CHPT1: variants seen among roughly 807,000 people sequenced by gnomAD.
CHPT1 encodes cholinephosphotransferase 1.
CHPT1 carries 36 observed loss-of-function variants against 47.6 expected under a neutral mutation model. The observed-to-expected ratio is 0.76, with a 90% CI of 0.58 to 1.00. CHPT1 has a LOEUF of 1.00. Among genes scored for constraint, CHPT1 ranks in the 50% least tolerant of loss-of-function variants. The probability of loss-of-function intolerance (pLI) is 0.00; values close to 1 mark genes in which losing one functional copy is unlikely to be tolerated. For missense variants in CHPT1, 458 were observed against 498.1 expected (o/e 0.92, Z 0.77); for synonymous variants, 194 against 186.3 (o/e 1.04, Z -0.33).
chr12:101,723,848 GTA>G lies in CHPT1; in HGVS notation c.1065+2_1065+3del, dbSNP rs1241414576. On this transcript the variant is annotated splice_donor_variant and splice_donor_region_variant and intron_variant, in intron 7 of 8. Transcript: ENST00000229266. LOFTEE classifies it high-confidence loss of function. ...ATATGTTGTTCTATGGATGGCAATG[GTA>G]AGTATTTTTCTCCATTTTATTTATT... is the stretch of plus-strand genomic sequence containing the variant. 10 of 1,502,648 alleles carry G rather than the reference GTA, an allele frequency of 6.7e-6. No individual in the cohort carries two copies. Among genetic ancestry groups the G allele is most frequent in the Non-Finnish European group, 9.1e-6 (10 of 1,093,032 alleles). 93.1% of individuals were successfully genotyped at this position (1,502,648 alleles called of 1,614,324 possible). A position where few individuals can be genotyped will look rare whatever the true frequency, so the allele number is the denominator to read the frequency against.
At chr12:101,712,789 T>A (rs1951714600) in intron 1 of CHPT1, among the ~76,000 whole-genome samples, 1 of 148,958 alleles carries the variant, frequency 6.7e-6, no homozygotes, top group African/African-American at 2.4e-5. Flanking sequence ...TCCTCTACTT[T>A]CTTGAACATG....
intron 3 of CHPT1, chr12:101,715,149 T>C (rs1951746727): frequency 6.6e-6 from 1 of 152,470 alleles, no homozygotes; most frequent in African/African-American, 2.4e-5. Context: ...ATGCTAGTGC[T>C]AAACATTAGA....
intron 8 of CHPT1, chr12:101,727,907 A>T (rs1952002596): frequency 6.6e-6 from 1 of 152,132 alleles, no homozygotes; most frequent in Admixed American, 6.5e-5. Context: ...ACCTTATTAT[A>T]ACTAAGATAA....
At chr12:101,723,021 C>G in intron 5 of CHPT1, 147 bp from the exon 6 acceptor site, 1 of 638,234 alleles carries the variant, frequency 1.6e-6, no homozygotes, top group South Asian at 2.1e-5. Context: ...TTGGAAAGCA[C>G]AACTCAGGTT....
intron 1 of CHPT1, 57 bp from the exon 2 acceptor site, chr12:101,714,033 A>G: frequency 3.3e-6 from 4 of 1,229,064 alleles, no homozygotes; most frequent in African/African-American, 1.5e-5. Context: ...AGGTTGAGCT[A>G]TTTTCAGAAA....
chr12:101,716,572 G>A (rs1398328056), intron 3 of CHPT1, among the ~76,000 whole-genome samples, 156 bp from the exon 4 acceptor site: 1 of 152,130 alleles, frequency 6.6e-6, no homozygotes. Context: ...TAACTTAACA[G>A]TGTAGTCAAC....
intron 1 of CHPT1, 72 bp downstream of exon 1, chr12:101,698,206 G>T: frequency 7.3e-7 from 1 of 1,361,554 alleles, no homozygotes; most frequent in Non-Finnish European, 9.4e-7. Context: ...GCCGGGGGAA[G>T]GGCGGACCCA....
At chr12:101,707,504 C>A (rs1321959972) in intron 1 of CHPT1, among the ~76,000 whole-genome samples, 1 of 152,140 alleles carries the variant, frequency 6.6e-6, no homozygotes, top group Non-Finnish European at 1.5e-5. Context: ...TATTTTTGCA[C>A]AAACACCTTT....
chr12:101,724,946 A>G (rs1951917253), intron 7 of CHPT1, among the ~76,000 whole-genome samples: 3 of 152,150 alleles, frequency 2.0e-5, no homozygotes. Flanking sequence ...GGCTTTGAAT[A>G]GTTTTCTTGT....
intron 7 of CHPT1, among the ~76,000 whole-genome samples, chr12:101,725,148 A>T (rs867789734): frequency 6.6e-6 from 1 of 152,180 alleles, no homozygotes; most frequent in Non-Finnish European, 1.5e-5. Flanking sequence ...ACAGGAGTAC[A>T]TCTAATGGTC....
chr12:101,707,334 T>A (rs1401957916), intron 1 of CHPT1, among the ~76,000 whole-genome samples: 1 of 152,202 alleles, frequency 6.6e-6, no homozygotes, highest in Non-Finnish European at 1.5e-5. Context: ...TTGAGAGTTA[T>A]GCTGCAAAGA....
rs1446422588 is a variant in CHPT1 at position 101,705,282 on chromosome 12, C to T, written c.273+7148C>T. On this transcript the variant is annotated intron_variant, in intron 1 of 8. Coordinates refer to ENST00000229266, the MANE Select transcript of CHPT1 (RefSeq NM_020244.3). ...TTCACTATGTTGGTCAGGCTGGGCT[C>T]GAACTCCTGACCTCGGGTGATCCAC... 3.4e-4 allele frequency among the ~76,000 whole-genome samples: 34 copies of T among 98,992 alleles called. 1 individual carries two copies. The highest frequency in any genetic ancestry group is 5.6e-4 in the Non-Finnish European group (29 of 52,180). The allele number at this position is 98,992 out of a possible 152,430, so 64.9% of individuals were successfully genotyped here.
chr12:101,709,893 G>A (rs1385640960), intron 1 of CHPT1, among the ~76,000 whole-genome samples: 1 of 148,732 alleles, frequency 6.7e-6, no homozygotes, highest in African/African-American at 2.4e-5. Context: ...AGGGCAAGTC[G>A]GAAGACCCGA....
chr12:101,726,242 TGAGAA>T (rs1465656091), intron 7 of CHPT1, 47 bp from the exon 8 acceptor site: 1 of 1,241,590 alleles, frequency 8.1e-7, no homozygotes, highest in South Asian at 1.3e-5. Flanking sequence ...TAGTGCTACT[TGAGAA>T]AAGATAGATC....
In CHPT1 at chr12:101,703,504, A is replaced by G. The variant is rs371774622; in HGVS notation, c.273+5370A>G. Among the ~76,000 whole-genome samples, 230 of 152,318 alleles carry G rather than the reference A, an allele frequency of 1.5e-3. 3 individuals are homozygous for G. Among genetic ancestry groups the G allele is most frequent in the African/African-American group, 5.2e-3 (218 of 41,552 alleles). Reference sequence around the variant, plus strand: ...TTTGCCGCAGCTTATAACCTGCCTAATTTCCTAAAAATGGATGTGCTCTTC... The same window carrying G: ...TTTGCCGCAGCTTATAACCTGCCTAGTTTCCTAAAAATGGATGTGCTCTTC... On this transcript the variant is annotated intron_variant, in intron 1 of 8. Transcript: ENST00000229266.
chr12:101,715,456 T>A (rs113842509), intron 3 of CHPT1, among the ~76,000 whole-genome samples: 272 of 152,336 alleles, frequency 1.8e-3, no homozygotes, highest in African/African-American at 6.4e-3. Flanking sequence ...CAGTTGATTC[T>A]CAATTATGGA....
At chr12:101,724,713 C>T (rs777269156) in intron 7 of CHPT1, among the ~76,000 whole-genome samples, 9 of 151,940 alleles carry the variant, frequency 5.9e-5, no homozygotes, top group Non-Finnish European at 1.3e-4. Flanking sequence ...AAATTAAATT[C>T]GCTTTGATTA....
chr12:101,714,709 T>C (rs775837493), intron 3 of CHPT1, 64 bp downstream of exon 3: 3 of 1,484,592 alleles, frequency 2.0e-6, no homozygotes, highest in Non-Finnish European at 9.0e-7. Context: ...CAATCTGTTA[T>C]GTCATTCATC....
intron 7 of CHPT1, among the ~76,000 whole-genome samples, chr12:101,724,691 C>G (rs894820599): frequency 6.6e-6 from 1 of 152,128 alleles, no homozygotes; most frequent in Non-Finnish European, 1.5e-5. Context: ...AATGATGACT[C>G]AGTCATCAAT....
Sources: gnomAD v4.1 joint callset for allele counts (sites outside exome capture counted in the v4.1 genomes callset) on GRCh38, gnomAD v4.1.1 for gene constraint, MANE v1.5 for transcripts, NCBI Gene and HGNC (gene_info 2026-07-23, HGNC 2026-07-21) for gene names.